Variants in IL1RL2 observed in about 807,000 individuals in gnomAD.
The protein encoded by IL1RL2 is interleukin-1 receptor-like 2.
Under a neutral mutation model 66.8 loss-of-function variants are expected in IL1RL2, and 68 were observed. The observed-to-expected ratio is 1.02, with a 90% CI of 0.84 to 1.25. The LOEUF is 1.25. Among genes scored for constraint, IL1RL2 ranks in the 50% most tolerant of loss-of-function variants. The pLI, the probability that IL1RL2 is intolerant of heterozygous loss-of-function variation, is 0.00. For synonymous variants in IL1RL2, 305 were observed against 264.6 expected, an observed-to-expected ratio of 1.15 and a Z score of -1.48; for missense variants, 729 against 709.3, an observed-to-expected ratio of 1.03 and a Z score of -0.32.
At chr2:102,214,587 T>C (rs1689445204) in intron 6 of IL1RL2, among the ~76,000 whole-genome samples, 1 of 152,176 alleles carries the variant, frequency 6.6e-6, no homozygotes, top group Non-Finnish European at 1.5e-5. Flanking sequence ...TGTTCCTAAA[T>C]AGAAACACTC....
At chr2:102,187,387 T>C in intron 1 of IL1RL2, 1 of 1,147,090 alleles carries the variant, frequency 8.7e-7, no homozygotes, top group Non-Finnish European at 1.1e-6. Flanking sequence ...TGTTTGGGGT[T>C]TCTGTTTAGA....
intron 5 of IL1RL2, among the ~76,000 whole-genome samples, chr2:102,202,289 A>C (rs914603162): frequency 3.3e-5 from 5 of 151,914 alleles, no homozygotes; most frequent in Non-Finnish European, 5.9e-5. Context: ...CAAGCCACTA[A>C]TTTAATTTAA....
At chr2:102,233,450 G>A (rs1691331013) in intron 10 of IL1RL2, among the ~76,000 whole-genome samples, 2 of 152,220 alleles carry the variant, frequency 1.3e-5, no homozygotes, top group Non-Finnish European at 2.9e-5. Context: ...AGGACTGAAA[G>A]GTGGCGAGTG....
At chr2:102,216,205 CAA>C (rs932719888) in intron 6 of IL1RL2, among the ~76,000 whole-genome samples, 1 of 151,978 alleles carries the variant, frequency 6.6e-6, no homozygotes, top group Non-Finnish European at 1.5e-5. Flanking sequence ...AAAAAAGAAC[CAA>C]AGAGAAGTCT....
intron 6 of IL1RL2, among the ~76,000 whole-genome samples, chr2:102,216,922 C>A (rs780121663): frequency 6.6e-6 from 1 of 152,088 alleles, no homozygotes; most frequent in Non-Finnish European, 1.5e-5. Context: ...ATTGCGTGTT[C>A]TTTAATAACC....
At chr2:102,211,691 G>T (rs932679183) in intron 5 of IL1RL2, among the ~76,000 whole-genome samples, 3 of 152,206 alleles carry the variant, frequency 2.0e-5, no homozygotes, top group East Asian at 3.8e-4. Context: ...AACAGGAACT[G>T]CATGAGGGAG....
chr2:102,231,079 C>T (rs1011511253), intron 9 of IL1RL2, among the ~76,000 whole-genome samples: 2 of 152,212 alleles, frequency 1.3e-5, no homozygotes, highest in African/African-American at 4.8e-5. Context: ...GCCCAAAGCT[C>T]GAAATCGCGT....
At chr2:102,199,250 A>G (rs1688035021) in intron 4 of IL1RL2, among the ~76,000 whole-genome samples, 1 of 152,226 alleles carries the variant, frequency 6.6e-6, no homozygotes, top group African/African-American at 2.4e-5. Flanking sequence ...TTTAAACTAC[A>G]CAGCAACTAA....
chr2:102,222,365 C>T (rs1034455161), intron 8 of IL1RL2, among the ~76,000 whole-genome samples: 1 of 152,258 alleles, frequency 6.6e-6, no homozygotes, highest in Admixed American at 6.5e-5. Flanking sequence ...TCTGTGTACC[C>T]ATGTAGAGGC....
In IL1RL2 at chr2:102,225,972, T is replaced by C. The variant is rs1456543045; in HGVS notation, c.1066T>C (p.Tyr356His). ...TGTGGCTGTGTCTGTTGTGTACATATACAACATTTTTAAGATCGACATTGT... is the reference window on the plus strand; with the variant it reads ...TGTGGCTGTGTCTGTTGTGTACATACACAACATTTTTAAGATCGACATTGT... Reference protein sequence around the residue: ...VAVAVSVVYIYNIFKIDIVLW... With the variant: ...VAVAVSVVYIHNIFKIDIVLW... Residue 356 changes from tyrosine to histidine, a missense_variant, in exon 9 of 12, where the codon TAC becomes CAC. Transcript: ENST00000264257. 9 of 1,609,866 alleles carry C rather than the reference T, an allele frequency of 5.6e-6. No individual in the cohort carries two copies. The highest frequency in any genetic ancestry group is 1.7e-4 in the Middle Eastern group (1 of 6,056).
intron 9 of IL1RL2, among the ~76,000 whole-genome samples, chr2:102,228,282 T>C (rs548289265): frequency 6.6e-6 from 1 of 152,290 alleles, no homozygotes; most frequent in Admixed American, 6.5e-5. Context: ...TTGTTCCCCT[T>C]GAGGATATTT....
At chr2:102,219,233 G>A in intron 7 of IL1RL2, 151 bp downstream of exon 7, 3 of 882,632 alleles carry the variant, frequency 3.4e-6, no homozygotes, top group Non-Finnish European at 5.5e-6. Context: ...GGGAGATATG[G>A]TAAAAGACCA....
At chr2:102,206,617 C>A (rs917743777) in intron 5 of IL1RL2, among the ~76,000 whole-genome samples, 3 of 152,218 alleles carry the variant, frequency 2.0e-5, no homozygotes, top group African/African-American at 7.2e-5. Context: ...CCACCTAAAG[C>A]TGATGGTGGA....
chr2:102,233,265 T>TCAGCCCC (rs1355537318), intron 10 of IL1RL2, 141 bp downstream of exon 10: 8 of 808,098 alleles, frequency 9.9e-6, no homozygotes, highest in African/African-American at 1.7e-5. Flanking sequence ...CCCCTGCCCG[T>TCAGCCCC]CAGCCCCCAG....
chr2:102,188,010 T>C, intron 2 of IL1RL2, 85 bp downstream of exon 2: 2 of 1,386,684 alleles, frequency 1.4e-6, no homozygotes, highest in Non-Finnish European at 2.1e-6. Context: ...GGGGATCGCG[T>C]CAGCCCGAGC....
At chr2:102,222,608 G>T (rs1187790311) in intron 8 of IL1RL2, among the ~76,000 whole-genome samples, 1 of 152,140 alleles carries the variant, frequency 6.6e-6, no homozygotes, top group Non-Finnish European at 1.5e-5. Flanking sequence ...CAGAGACAAA[G>T]GTGGGTCTTT....
At position 102,220,843 on chromosome 2, in the gene IL1RL2, A is replaced by G. The variant is rs1261100238; in HGVS notation, c.991+826A>G. Among the ~76,000 whole-genome samples the G allele has an allele frequency of 3.3e-5, 5 of 152,208 alleles. No homozygotes were observed. In the East Asian group the frequency reaches 9.6e-4, roughly 29 times the overall value. ...ATATTTTTCTAGAACCTAACAGAAA[A>G]CACAGTGGTTGCTGTATGGAGTTAG... On this transcript the variant is annotated intron_variant, in intron 8 of 11. Transcript: ENST00000264257.
intron 6 of IL1RL2, among the ~76,000 whole-genome samples, chr2:102,213,336 T>C (rs1689339720): frequency 6.6e-6 from 1 of 152,186 alleles, no homozygotes. Flanking sequence ...TCATGGGGTA[T>C]AATAACGATA....
intron 6 of IL1RL2, among the ~76,000 whole-genome samples, chr2:102,212,441 A>C (rs1292821153): frequency 1.3e-5 from 2 of 152,242 alleles, no homozygotes; most frequent in Non-Finnish European, 1.5e-5. Flanking sequence ...ATGCAAAGGC[A>C]ATGAAAATGC....
Sources: gnomAD v4.1 joint callset for allele counts (sites outside exome capture counted in the v4.1 genomes callset) on GRCh38, gnomAD v4.1.1 for gene constraint, MANE v1.5 for transcripts, NCBI Gene and HGNC (gene_info 2026-07-23, HGNC 2026-07-21) for gene names.